The following BTBD9 variants were observed in gnomAD, a reference collection of about 807,000 sequenced individuals.
BTBD9 encodes BTB domain containing 9.
BTBD9 carries 49 observed loss-of-function variants against 64.3 expected under a neutral mutation model. The ratio of observed to expected loss-of-function variants is 0.76; its 90% CI spans 0.61 to 0.97. BTBD9 has a LOEUF of 0.97. Ranked by LOEUF, BTBD9 falls within the 50% of genes least tolerant of loss-of-function variation. The probability of loss-of-function intolerance (pLI) is 0.00; values close to 1 mark genes in which losing one functional copy is unlikely to be tolerated. For synonymous variants in BTBD9, 260 were observed against 274.7 expected (o/e 0.95, Z 0.53); for missense variants, 598 against 762.1 (o/e 0.78, Z 2.53).
At position 38,592,747 on chromosome 6, in the gene BTBD9, T is replaced by C. The variant is rs1218040508; in HGVS notation, c.643A>G (p.Lys215Glu). The change falls in exon 4 of 11, where the codon AAG becomes GAG. Residue 215 changes from lysine to glutamate, a missense_variant. Coordinates refer to ENST00000481247, the MANE Select transcript of BTBD9 (RefSeq NM_001099272.2). ...TGCATGATTTCAGCATGATTCTCCT[T>C]TGAATTGTGCTTACACCAGTTTAAT... ...ALLNWCKHNS[K>E]ENHAEIMQAV... The C allele has an allele frequency of 1.2e-6, 2 of 1,614,202 alleles. No homozygotes were observed. Among genetic ancestry groups the C allele is most frequent in the East Asian group, 4.5e-5 (2 of 44,882 alleles).
chr6:38,507,344 A>G (rs1368501690), intron 6 of BTBD9, among the ~76,000 whole-genome samples: 1 of 152,234 alleles, frequency 6.6e-6, no homozygotes, highest in Non-Finnish European at 1.5e-5. Flanking sequence ...TCCAGGAAGA[A>G]ATGAACAGAA....
Position 38,184,601 on chromosome 6 carries a change from C to T in BTBD9, c.1641+7918G>A, listed in dbSNP as rs778213646. 6.6e-6 allele frequency among the ~76,000 whole-genome samples: 1 copy of T among 152,030 alleles called. No homozygotes were observed. Among genetic ancestry groups the T allele is most frequent in the Non-Finnish European group, 1.5e-5 (1 of 68,004 alleles). On this transcript the variant is annotated intron_variant, in intron 10 of 10. Coordinates refer to ENST00000481247, the MANE Select transcript of BTBD9 (RefSeq NM_001099272.2). The surrounding 1 kb of genome is among the most constrained non-coding windows in gnomAD (Gnocchi z 4.4). ...AGAGAGCGCCCACTGGGGGTTCTGG[C>T]CCTGGGGCCAGCATGTGACTGCTTT...
intron 6 of BTBD9, among the ~76,000 whole-genome samples, chr6:38,452,283 T>C (rs1392010798): frequency 1.3e-5 from 2 of 152,138 alleles, no homozygotes; most frequent in Non-Finnish European, 2.9e-5. Flanking sequence ...ACTAAGGGAT[T>C]AATTTGGGAT....
intron 6 of BTBD9, among the ~76,000 whole-genome samples, chr6:38,389,968 T>C (rs893093545): frequency 3.9e-5 from 6 of 152,228 alleles, no homozygotes; most frequent in African/African-American, 1.4e-4. Context: ...CACATACATA[T>C]TGAATATATT....
At chr6:38,339,505 C>T (rs1375891302) in intron 7 of BTBD9, among the ~76,000 whole-genome samples, 1 of 151,940 alleles carries the variant, frequency 6.6e-6, no homozygotes, top group Non-Finnish European at 1.5e-5. Context: ...AAAAGAAGCA[C>T]AGTAAGGTAA....
At chr6:38,579,233 C>G (rs574346797) in intron 5 of BTBD9, among the ~76,000 whole-genome samples, 1 of 152,308 alleles carries the variant, frequency 6.6e-6, no homozygotes, top group East Asian at 1.9e-4. Flanking sequence ...TCATACTTGG[C>G]TCAAATGGCC....
intron 1 of BTBD9, among the ~76,000 whole-genome samples, chr6:38,625,564 T>G (rs770198217): frequency 1.3e-5 from 2 of 152,220 alleles, no homozygotes; most frequent in African/African-American, 2.4e-5. Context: ...GTGTTACTAT[T>G]AAGTTATTAA....
intron 1 of BTBD9, among the ~76,000 whole-genome samples, chr6:38,629,132 G>A (rs1778276057): frequency 6.6e-6 from 1 of 152,064 alleles, no homozygotes; most frequent in South Asian, 2.1e-4. Context: ...TTAATTAATG[G>A]GGGCAAGTCA....
In BTBD9 at chr6:38,500,859, G is replaced by T. The variant is rs1315957972; in HGVS notation, c.1154+76741C>A. On this transcript the variant is annotated intron_variant, in intron 6 of 10. Coordinates refer to ENST00000481247, the MANE Select transcript of BTBD9 (RefSeq NM_001099272.2). ...GAGTGAATTCAGTTCCCAACTTGTG[G>T]GTCATAGGCGACATGGCAGGTACAG... Among the ~76,000 whole-genome samples the T allele has an allele frequency of 2.0e-5, 3 of 152,126 alleles. No homozygotes were observed. In the East Asian group the frequency reaches 5.8e-4, roughly 29 times the overall value.
At chr6:38,569,105 T>C (rs1582647649) in intron 6 of BTBD9, among the ~76,000 whole-genome samples, 1 of 152,224 alleles carries the variant, frequency 6.6e-6, no homozygotes, top group Non-Finnish European at 1.5e-5. Flanking sequence ...CAGAAGAACC[T>C]AATGATGGAG....
Position 38,174,737 on chromosome 6 carries a change from T to C in BTBD9, c.*248A>G. ...GAGAGGTAGGGTGTTAATGGTGGAC[T>C]TGATGAAGATTGAAGACCCATTTTC... On this transcript the variant is annotated 3_prime_UTR_variant, in exon 11 of 11. Coordinates refer to ENST00000481247, the MANE Select transcript of BTBD9 (RefSeq NM_001099272.2). 2 of 529,022 alleles carry C rather than the reference T, an allele frequency of 3.8e-6. No individual in the cohort carries two copies. Among genetic ancestry groups the C allele is most frequent in the South Asian group, 5.6e-5 (2 of 35,792 alleles). The allele number at this position is 529,022 out of a possible 1,614,324, so 32.8% of individuals were successfully genotyped here. A position where few individuals can be genotyped will look rare whatever the true frequency, so the allele number is the denominator to read the frequency against.
intron 6 of BTBD9, among the ~76,000 whole-genome samples, chr6:38,475,811 GAGA>G (rs1770852449): frequency 6.6e-6 from 1 of 152,152 alleles, no homozygotes; most frequent in African/African-American, 2.4e-5. Flanking sequence ...AAGAGAAGTG[GAGA>G]GGAGGTCTAG....
chr6:38,524,318 AATT>A, intron 6 of BTBD9, among the ~76,000 whole-genome samples: 1 of 152,280 alleles, frequency 6.6e-6, no homozygotes, highest in South Asian at 2.1e-4. Flanking sequence ...GGAAAAAACT[AATT>A]ATTACATATT....
intron 8 of BTBD9, among the ~76,000 whole-genome samples, chr6:38,270,124 T>C (rs151190918): frequency 2.6e-5 from 4 of 152,318 alleles, no homozygotes; most frequent in African/African-American, 9.6e-5. Context: ...CATTAGAATA[T>C]TGCACTCTGC....
chr6:38,177,370 T>C (rs1175226032), intron 10 of BTBD9, among the ~76,000 whole-genome samples: 1 of 152,138 alleles, frequency 6.6e-6, no homozygotes, highest in South Asian at 2.1e-4. Flanking sequence ...GCCTTCAGGG[T>C]GCCTCCCGCT....
At chr6:38,444,052 C>A (rs530664044) in intron 6 of BTBD9, among the ~76,000 whole-genome samples, 2 of 152,340 alleles carry the variant, frequency 1.3e-5, no homozygotes, top group East Asian at 3.9e-4. Flanking sequence ...GTTCTTCACA[C>A]TGGGTACCTG....
chr6:38,602,952 T>C (rs1246600527), intron 1 of BTBD9, among the ~76,000 whole-genome samples: 3 of 152,124 alleles, frequency 2.0e-5, no homozygotes, highest in Non-Finnish European at 4.4e-5. Context: ...CAACTAAAGA[T>C]CTTCACCTAA....
At chr6:38,178,486 G>A (rs562267936) in intron 10 of BTBD9, among the ~76,000 whole-genome samples, 10 of 152,230 alleles carry the variant, frequency 6.6e-5, no homozygotes, top group African/African-American at 2.2e-4. Flanking sequence ...GAGGGTGTAC[G>A]GTCCAGTGAG....
At chr6:38,447,425 A>C (rs1294210508) in intron 6 of BTBD9, among the ~76,000 whole-genome samples, 1 of 152,234 alleles carries the variant, frequency 6.6e-6, no homozygotes, top group Non-Finnish European at 1.5e-5. Flanking sequence ...AAGAACCTTA[A>C]ACATTAGTAA....
Sources: gnomAD v4.1 joint callset for allele counts (sites outside exome capture counted in the v4.1 genomes callset) on GRCh38, gnomAD v4.1.1 for gene constraint, Gnocchi (gnomAD v3.1) non-coding constraint, MANE v1.5 for transcripts, NCBI Gene and HGNC (gene_info 2026-07-23, HGNC 2026-07-21) for gene names.